ATF7IP2: variants seen among roughly 807,000 people sequenced by gnomAD.
The protein encoded by ATF7IP2 is activating transcription factor 7 interacting protein 2, also known as activating transcription factor 7-interacting protein 2.
ATF7IP2 carries 42 observed loss-of-function variants against 64.2 expected under a neutral mutation model. That is an observed-to-expected ratio of 0.65 (90% CI 0.51 to 0.85). The LOEUF (loss-of-function observed/expected upper bound fraction) is 0.85, where lower values mean the gene tolerates loss of function less well. ATF7IP2 is among the 40% of genes least tolerant of loss of function. ATF7IP2 has a pLI of 0.00. For missense variants in ATF7IP2, 933 were observed against 784.2 expected (o/e 1.19, Z -2.27); for synonymous variants, 308 against 272.8 (o/e 1.13, Z -1.27).
chr16:10,411,637 G>A (rs1396851646), intron 1 of ATF7IP2, among the ~76,000 whole-genome samples: 1 of 152,068 alleles, frequency 6.6e-6, no homozygotes, highest in African/African-American at 2.4e-5. Context: ...TCAAAGTGCT[G>A]GGATTACAGG....
chr16:10,471,241 A>C (rs1291008913), intron 9 of ATF7IP2, among the ~76,000 whole-genome samples: 3 of 152,128 alleles, frequency 2.0e-5, no homozygotes, highest in Non-Finnish European at 4.4e-5. Flanking sequence ...AAAATGGTAT[A>C]ATTGGACTGG....
chr16:10,446,886 C>G (rs1405440502), intron 8 of ATF7IP2: 1 of 152,026 alleles, frequency 6.6e-6, no homozygotes, highest in East Asian at 1.9e-4. Context: ...CTCAATGCCC[C>G]CCTGCTGGAG....
intron 9 of ATF7IP2, among the ~76,000 whole-genome samples, chr16:10,459,187 G>C (rs2049285696): frequency 1.3e-5 from 2 of 152,082 alleles, no homozygotes; most frequent in Admixed American, 1.3e-4. Flanking sequence ...TACAAAATTA[G>C]GCCCGGTGCG....
rs1056256093 is a variant in ATF7IP2 at position 10,454,715 on chromosome 16, A to G, written c.1195-2657A>G. On this transcript the variant is annotated intron_variant, in intron 8 of 13. Transcript: ENST00000562102. ...CTTCTAAGTATCACTTATTCTAAGCATCTTCTTAGTGGTTAGATTATGTAC... is the reference window on the plus strand; with the variant it reads ...CTTCTAAGTATCACTTATTCTAAGCGTCTTCTTAGTGGTTAGATTATGTAC... Among the ~76,000 whole-genome samples, 16 of 152,302 alleles carry G rather than the reference A, an allele frequency of 1.1e-4. No homozygotes were observed. In the South Asian group the frequency reaches 2.9e-3, roughly 28 times the overall value.
In ATF7IP2 at chr16:10,418,792, C is replaced by T. The variant is rs758758075; in HGVS notation, c.-202-789C>T. On this transcript the variant is annotated intron_variant, in intron 2 of 13. Coordinates refer to ENST00000562102, the MANE Select transcript of ATF7IP2 (RefSeq NM_001393719.1). Reference sequence around the variant, plus strand: ...TATTAAGAGCCGTTAATAGTTTCCACAAATCCTTATGTTTAGCTCCTAGAG... The same window carrying T: ...TATTAAGAGCCGTTAATAGTTTCCATAAATCCTTATGTTTAGCTCCTAGAG... Among the ~76,000 whole-genome samples the T allele has an allele frequency of 5.3e-5, 8 of 152,190 alleles. No individual in the cohort carries two copies. The East Asian group carries it at 1.3e-3, about 26-fold the overall frequency.
rs943577026 is a variant in ATF7IP2 at position 10,405,614 on chromosome 16, T to C, written c.-241-8960T>C. ...GACAAAGGCCCAAGGAACATTCTTA[T>C]CACATCCTGCCGGACAAAAAGGCCA... is the stretch of plus-strand genomic sequence containing the variant. On this transcript the variant is annotated intron_variant, in intron 1 of 13. Transcript: ENST00000562102. Among the ~76,000 whole-genome samples the C allele has an allele frequency of 6.4e-4, 97 of 152,096 alleles. 1 individual carries two copies. Among genetic ancestry groups the C allele is most frequent in the South Asian group, 4.1e-4 (2 of 4,824 alleles).
At chr16:10,411,234 A>G (rs2047751918) in intron 1 of ATF7IP2, among the ~76,000 whole-genome samples, 1 of 151,970 alleles carries the variant, frequency 6.6e-6, no homozygotes, top group South Asian at 2.1e-4. Flanking sequence ...TCATAGAATG[A>G]TTTAGGGAGG....
chr16:10,386,688 C>G (rs1394254125), intron 1 of ATF7IP2: 1 of 152,116 alleles, frequency 6.6e-6, no homozygotes, highest in Non-Finnish European at 1.5e-5. Flanking sequence ...AATCCCGTAC[C>G]TCTGAGCTTG....
Position 10,480,931 on chromosome 16 carries a change from G to A in ATF7IP2, c.1602G>A (p.Lys534=), listed in dbSNP as rs750376100. 2.5e-6 allele frequency: 4 copies of A among 1,612,944 alleles called. No individual in the cohort carries two copies. The highest frequency in any genetic ancestry group is 3.4e-6 in the Non-Finnish European group (4 of 1,179,040). The part of the protein sequence containing the change: ...ESHSKAASNS[K]ETTPLAQNAV... ...ATTCGAAAGCTGCTTCAAACTCAAA[G>A]GAAACAACCCCATTGGCACAAAATG... The change falls in exon 13 of 14, where the codon AAG becomes AAA. Residue 534 remains lysine (K), a synonymous_variant. Coordinates refer to ENST00000562102, the MANE Select transcript of ATF7IP2 (RefSeq NM_001393719.1).
At chr16:10,392,405 G>A (rs1033736286) in intron 1 of ATF7IP2, among the ~76,000 whole-genome samples, 1 of 150,962 alleles carries the variant, frequency 6.6e-6, no homozygotes, top group East Asian at 1.9e-4. Context: ...GGCTGTTTGA[G>A]CCTTGGCCTC....
intron 13 of ATF7IP2, 28 bp from the exon 14 acceptor site, chr16:10,481,808 C>G (rs1364782205): frequency 1.3e-6 from 2 of 1,532,548 alleles, no homozygotes; most frequent in Admixed American, 2.2e-5. Context: ...ACTTTAAAAG[C>G]TATATTTTCT....
intron 9 of ATF7IP2, among the ~76,000 whole-genome samples, chr16:10,468,544 A>G (rs1291075645): frequency 6.6e-6 from 1 of 152,238 alleles, no homozygotes; most frequent in East Asian, 1.9e-4. Flanking sequence ...GGTCAAGAGC[A>G]GGGATGGAGG....
intron 2 of ATF7IP2, among the ~76,000 whole-genome samples, chr16:10,417,862 A>G (rs1375747292): frequency 6.6e-6 from 1 of 152,208 alleles, no homozygotes; most frequent in African/African-American, 2.4e-5. Flanking sequence ...ACACCTTCTC[A>G]TTTAAAGTCA....
At chr16:10,472,900 A>G (rs1302464579) in intron 10 of ATF7IP2, among the ~76,000 whole-genome samples, 2 of 152,016 alleles carry the variant, frequency 1.3e-5, no homozygotes, top group Non-Finnish European at 2.9e-5. Flanking sequence ...TCCAATGATA[A>G]CTTTTCTCTC....
chr16:10,417,599 GAA>G (rs776331598), intron 2 of ATF7IP2, among the ~76,000 whole-genome samples: 2 of 152,080 alleles, frequency 1.3e-5, no homozygotes, highest in Non-Finnish European at 2.9e-5. Flanking sequence ...TATAGTTAAA[GAA>G]AGAGATAGAT....
At chr16:10,412,038 T>TACACTTTTAAGTTC in intron 1 of ATF7IP2, among the ~76,000 whole-genome samples, 1 of 145,938 alleles carries the variant, frequency 6.9e-6, no homozygotes, top group Non-Finnish European at 1.5e-5. Flanking sequence ...TTTTTTTTTT[T>TACACTTTTAAGTTC]TACACTTTTA....
At chr16:10,460,510 G>C (rs552106317) in intron 9 of ATF7IP2, among the ~76,000 whole-genome samples, 12 of 152,274 alleles carry the variant, frequency 7.9e-5, no homozygotes, top group African/African-American at 2.6e-4. Context: ...GCATGCGCTG[G>C]ACAAATAGAC....
At chr16:10,388,198 T>G (rs900191200) in intron 1 of ATF7IP2, among the ~76,000 whole-genome samples, 1 of 152,220 alleles carries the variant, frequency 6.6e-6, no homozygotes, top group African/African-American at 2.4e-5. Context: ...GCCTATCTCA[T>G]ATTTTTATAT....
At chr16:10,459,473 GAAAAAAA>G (rs377627260) in intron 9 of ATF7IP2, among the ~76,000 whole-genome samples, 18 of 83,952 alleles carry the variant, frequency 2.1e-4, no homozygotes, top group Non-Finnish European at 7.6e-5. Context: ...ATCTCAAAAA[GAAAAAAA>G]AAAAAAAAAA....
Sources: gnomAD v4.1 joint callset for allele counts (sites outside exome capture counted in the v4.1 genomes callset) on GRCh38, gnomAD v4.1.1 for gene constraint, MANE v1.5 for transcripts, NCBI Gene and HGNC (gene_info 2026-07-23, HGNC 2026-07-21) for gene names.